EPHB1: variants seen among roughly 807,000 people sequenced by gnomAD.
The protein encoded by EPHB1 is EPH receptor B1, also known as ephrin type-B receptor 1.
Under a neutral mutation model 94.4 loss-of-function variants are expected in EPHB1, and 30 were observed. The ratio of observed to expected loss-of-function variants is 0.32; its 90% CI spans 0.24 to 0.43. The LOEUF is 0.43. Among genes scored for constraint, EPHB1 ranks in the 20% least tolerant of loss-of-function variants. The probability of loss-of-function intolerance (pLI) is 1.00; values close to 1 mark genes in which losing one functional copy is unlikely to be tolerated. For missense variants in EPHB1, 1,055 were observed against 1,308.3 expected, an observed-to-expected ratio of 0.81 and a Z score of 2.99; for synonymous variants, 522 against 489.1, an observed-to-expected ratio of 1.07 and a Z score of -0.89.
At chr3:134,805,163 T>C (rs2036015989) in intron 1 of EPHB1, among the ~76,000 whole-genome samples, 1 of 152,210 alleles carries the variant, frequency 6.6e-6, no homozygotes, top group Non-Finnish European at 1.5e-5. Context: ...ACGTGAATTC[T>C]TGGTGCTGAA....
chr3:134,987,499 C>T (rs1934641462), intron 3 of EPHB1, among the ~76,000 whole-genome samples: 1 of 152,176 alleles, frequency 6.6e-6, no homozygotes, highest in African/African-American at 2.4e-5. Flanking sequence ...GTGGCTCACA[C>T]CTGTAATCCC....
chr3:135,107,054 G>A (rs906555827), intron 4 of EPHB1, among the ~76,000 whole-genome samples: 1 of 152,134 alleles, frequency 6.6e-6, no homozygotes, highest in Non-Finnish European at 1.5e-5. Context: ...CAGTCATTCT[G>A]TACTTATCTC....
intron 4 of EPHB1, among the ~76,000 whole-genome samples, chr3:135,118,617 C>T (rs1409870915): frequency 6.6e-6 from 1 of 152,168 alleles, no homozygotes; most frequent in Non-Finnish European, 1.5e-5. Context: ...AGGACTATTG[C>T]CTCTGATGTG....
At chr3:135,248,189 T>C in intron 13 of EPHB1, 127 bp from the exon 14 acceptor site, 1 of 841,352 alleles carries the variant, frequency 1.2e-6, no homozygotes. Flanking sequence ...GCGGAAGGTG[T>C]GCAAGCACAG....
At chr3:135,089,010 G>A (rs1025563212) in intron 3 of EPHB1, among the ~76,000 whole-genome samples, 2 of 152,100 alleles carry the variant, frequency 1.3e-5, no homozygotes, top group African/African-American at 4.8e-5. Flanking sequence ...TTTTACACAC[G>A]AGGAAACTGA....
chr3:135,033,158 T>C (rs1399997320), intron 3 of EPHB1, among the ~76,000 whole-genome samples: 3 of 151,986 alleles, frequency 2.0e-5, no homozygotes, highest in Admixed American at 2.0e-4. Context: ...CAGGATTCAG[T>C]TTGTGTTGGG....
chr3:135,257,538 G>C (rs1157539617), intron 15 of EPHB1, among the ~76,000 whole-genome samples: 1 of 152,104 alleles, frequency 6.6e-6, no homozygotes, highest in Admixed American at 6.6e-5. Context: ...GGGGGGGTCA[G>C]GGGTCAGGGA....
chr3:134,920,024 C>A (rs1449296936), intron 1 of EPHB1, among the ~76,000 whole-genome samples: 1 of 152,038 alleles, frequency 6.6e-6, no homozygotes, highest in Non-Finnish European at 1.5e-5. Flanking sequence ...TCACATTGTA[C>A]CTATGAGTCC....
chr3:135,046,548 C>T (rs1257775438), intron 3 of EPHB1, among the ~76,000 whole-genome samples: 1 of 152,174 alleles, frequency 6.6e-6, no homozygotes, highest in Admixed American at 6.5e-5. Flanking sequence ...GACCTGGTTC[C>T]CATTTACATC....
intron 12 of EPHB1, among the ~76,000 whole-genome samples, chr3:135,236,436 G>A (rs556282488): frequency 6.6e-6 from 1 of 151,976 alleles, no homozygotes; most frequent in Middle Eastern, 3.2e-3. Context: ...ACATTCACAG[G>A]TCTCACAGTT....
At chr3:135,240,860 T>C (rs916727912) in intron 12 of EPHB1, among the ~76,000 whole-genome samples, 1 of 151,996 alleles carries the variant, frequency 6.6e-6, no homozygotes, top group African/African-American at 2.4e-5. Flanking sequence ...CACTCTCTCC[T>C]CCCACCCACC....
intron 12 of EPHB1, among the ~76,000 whole-genome samples, chr3:135,217,418 T>C (rs1235698300): frequency 3.8e-5 from 5 of 132,426 alleles, no homozygotes; most frequent in Non-Finnish European, 7.9e-5. Context: ...ATAACTCCCA[T>C]CAGTACCACA....
At chr3:134,901,370 C>A (rs2038200871) in intron 1 of EPHB1, among the ~76,000 whole-genome samples, 1 of 152,170 alleles carries the variant, frequency 6.6e-6, no homozygotes, top group Admixed American at 6.5e-5. Flanking sequence ...TCTTATTTTT[C>A]ATTTAATTTA....
intron 12 of EPHB1, among the ~76,000 whole-genome samples, chr3:135,219,028 C>G (rs1252738493): frequency 1.3e-5 from 2 of 152,096 alleles, no homozygotes; most frequent in Non-Finnish European, 1.5e-5. Context: ...GTTGGAGGAG[C>G]CTGAGCTCAA....
intron 3 of EPHB1, among the ~76,000 whole-genome samples, chr3:135,021,204 T>C (rs1344847961): frequency 6.6e-6 from 1 of 152,222 alleles, no homozygotes; most frequent in African/African-American, 2.4e-5. Flanking sequence ...CACATCTATC[T>C]GTCTTCTTTT....
chr3:135,125,032 C>T (rs981173683), intron 4 of EPHB1, among the ~76,000 whole-genome samples: 1 of 151,614 alleles, frequency 6.6e-6, no homozygotes, highest in South Asian at 2.1e-4. Flanking sequence ...TCCCATATGT[C>T]TGGTATTCAT....
Position 134,978,276 on chromosome 3 carries a change from C to T in EPHB1, c.805+26224C>T, listed in dbSNP as rs568188657. Among the ~76,000 whole-genome samples the T allele has an allele frequency of 3.1e-4, 47 of 152,308 alleles. 1 individual carries two copies. Among genetic ancestry groups the T allele is most frequent in the African/African-American group, 1.0e-3 (43 of 41,566 alleles). On this transcript the variant is annotated intron_variant, in intron 3 of 15. Coordinates refer to ENST00000398015, the MANE Select transcript of EPHB1 (RefSeq NM_004441.5). The stretch of plus-strand genomic sequence containing the variant: ...CTCTCTTGTCTTCCGGGATCCTGCC[C>T]TGGCCCCTCAGTGCATCTTCCACAT...
At chr3:134,953,440 A>G (rs566727406) in intron 3 of EPHB1, among the ~76,000 whole-genome samples, 1 of 152,340 alleles carries the variant, frequency 6.6e-6, no homozygotes, top group Admixed American at 6.5e-5. Context: ...AGATCCACTG[A>G]TGCATCAACG....
rs1160115280 is a variant in EPHB1, at chr3:134,951,619, G to C, written c.372G>C (p.Lys124Asn). 4.3e-6 allele frequency: 7 copies of C among 1,614,116 alleles called. No homozygotes were observed. In the South Asian group the frequency reaches 6.6e-5, roughly 15 times the overall value. ...AGACTGACTCTGTCATTGCCACCAA[G>C]AAGTCAGCCTTCTGGTCTGAGGCCC... ...YYETDSVIAT[K>N]KSAFWSEAPY... The change falls in exon 3 of 16, where the codon AAG becomes AAC. Residue 124 changes from lysine to asparagine, a missense_variant. Lys to Asn is a moderately conservative substitution (Grantham distance 94, BLOSUM62 0). Coordinates refer to ENST00000398015, the MANE Select transcript of EPHB1 (RefSeq NM_004441.5). This position sits in a 1 kb window ranked among gnomAD's most constrained non-coding sequence, Gnocchi z 4.5.
Sources: allele counts gnomAD v4.1 joint callset (sites outside exome capture counted in the v4.1 genomes callset), GRCh38; gene constraint gnomAD v4.1.1; non-coding constraint Gnocchi (gnomAD v3.1); transcripts MANE v1.5; gene names NCBI Gene and HGNC (gene_info 2026-07-23, HGNC 2026-07-21).